RAB8B: variants seen among roughly 807,000 people sequenced by gnomAD.
The protein encoded by RAB8B is ras-related protein Rab-8B.
In RAB8B, 11 loss-of-function variants were observed where a neutral mutation model predicts 32.0. The ratio of observed to expected loss-of-function variants is 0.34; its 90% CI spans 0.22 to 0.57. RAB8B has a LOEUF of 0.57. Among genes scored for constraint, RAB8B ranks in the 20% least tolerant of loss-of-function variants. RAB8B has a pLI of 0.86. For synonymous variants in RAB8B, 103 were observed against 89.6 expected, an observed-to-expected ratio of 1.15 and a Z score of -0.85; for missense variants, 190 against 258.5, an observed-to-expected ratio of 0.73 and a Z score of 1.82.
At chr15:63,223,868 TA>T in intron 1 of RAB8B, 2 of 435,650 alleles carry the variant, frequency 4.6e-6, no homozygotes, top group South Asian at 1.6e-5. Context: ...CATAGAGGAA[TA>T]AAAACAACCC....
intron 1 of RAB8B, among the ~76,000 whole-genome samples, chr15:63,195,013 A>G (rs1219375519): frequency 6.6e-6 from 1 of 152,180 alleles, no homozygotes; most frequent in Non-Finnish European, 1.5e-5. Flanking sequence ...TCATATTTAC[A>G]TTTTTATCCA....
At chr15:63,232,234 AT>A (rs1340489100) in intron 1 of RAB8B, among the ~76,000 whole-genome samples, 14 of 152,284 alleles carry the variant, frequency 9.2e-5, no homozygotes, top group Admixed American at 5.9e-4. Context: ...ATATATAGTT[AT>A]TTATTTTGCT....
chr15:63,194,038 A>G (rs2037580782), intron 1 of RAB8B, among the ~76,000 whole-genome samples: 1 of 152,202 alleles, frequency 6.6e-6, no homozygotes, highest in South Asian at 2.1e-4. Flanking sequence ...TCCTCTTGAC[A>G]GGACAATCAG....
rs188193133 is a variant in RAB8B at position 63,246,449 on chromosome 15, A to G, written c.185+1633A>G. Among the ~76,000 whole-genome samples, 889 of 151,536 alleles carry G rather than the reference A, an allele frequency of 5.9e-3. 8 individuals are homozygous for G. The highest frequency in any genetic ancestry group is 0.02 in the African/African-American group (797 of 40,818). On this transcript the variant is annotated intron_variant, in intron 2 of 7. Coordinates refer to ENST00000321437, the MANE Select transcript of RAB8B (RefSeq NM_016530.3). ...TAGAGCAGCTCACAGAACTCAGGGAAACACTTTATTTATGTTTACCCATTT... is the reference window on the plus strand; with the variant it reads ...TAGAGCAGCTCACAGAACTCAGGGAGACACTTTATTTATGTTTACCCATTT...
intron 1 of RAB8B, among the ~76,000 whole-genome samples, chr15:63,227,605 A>C (rs1157864706): frequency 6.6e-6 from 1 of 152,236 alleles, no homozygotes; most frequent in Admixed American, 6.5e-5. Context: ...TCAACCGTTC[A>C]TGTATGGAAA....
chr15:63,222,899 G>A, intron 1 of RAB8B: 1 of 267,706 alleles, frequency 3.7e-6, no homozygotes, highest in South Asian at 3.2e-5. Context: ...CATAACTATT[G>A]TAATGTTGTA....
At chr15:63,262,625 GTATATA>G in intron 6 of RAB8B, 61 bp from the exon 7 acceptor site, 1 of 362,896 alleles carries the variant, frequency 2.8e-6, no homozygotes, top group Non-Finnish European at 4.3e-6. Flanking sequence ...ATATATATGT[GTATATA>G]TATATATATA....
intron 1 of RAB8B, among the ~76,000 whole-genome samples, chr15:63,235,816 A>G (rs555577516): frequency 5.3e-5 from 8 of 152,128 alleles, no homozygotes; most frequent in African/African-American, 1.2e-4. Context: ...AGATTCATCT[A>G]TGTTGATAAA....
At chr15:63,201,825 G>A (rs887864483) in intron 1 of RAB8B, among the ~76,000 whole-genome samples, 2 of 152,060 alleles carry the variant, frequency 1.3e-5, no homozygotes, top group African/African-American at 4.8e-5. Context: ...GGGCCAACAC[G>A]TGAGCCTCGC....
At chr15:63,256,019 G>C (rs2038156479) in intron 4 of RAB8B, among the ~76,000 whole-genome samples, 1 of 152,118 alleles carries the variant, frequency 6.6e-6, no homozygotes, top group Non-Finnish European at 1.5e-5. Context: ...CTCCATCTTA[G>C]ATATTTGAAG....
rs910800386 is a variant in RAB8B at position 63,266,244 on chromosome 15, T to C, written c.*2625T>C. On this transcript the variant is annotated 3_prime_UTR_variant, in exon 8 of 8. Transcript: ENST00000321437. ...ACTTTATTAATCAGTGTGTTAATTT[T>C]TGACAGTGATTGGACTAGACCTTTT... 9.8e-5 allele frequency: 15 copies of C among 152,600 alleles called. No homozygotes were observed. Among genetic ancestry groups the C allele is most frequent in the African/African-American group, 3.6e-4 (15 of 41,450 alleles). 9.5% of individuals were successfully genotyped at this position (152,600 alleles called of 1,614,324 possible). A position where few individuals can be genotyped will look rare whatever the true frequency, so the allele number is the denominator to read the frequency against.
chr15:63,244,000 C>G (rs1304544247), intron 1 of RAB8B, among the ~76,000 whole-genome samples: 1 of 152,148 alleles, frequency 6.6e-6, no homozygotes, highest in East Asian at 1.9e-4. Flanking sequence ...TAACTCACTC[C>G]TGTGATAAGG....
At chr15:63,191,807 G>T (rs979320062) in intron 1 of RAB8B, among the ~76,000 whole-genome samples, 2 of 152,104 alleles carry the variant, frequency 1.3e-5, no homozygotes, top group African/African-American at 2.4e-5. Context: ...AGTTTTATTC[G>T]TTTTCTCTTT....
chr15:63,236,816 A>G (rs2037984584), intron 1 of RAB8B, among the ~76,000 whole-genome samples: 1 of 152,172 alleles, frequency 6.6e-6, no homozygotes, highest in African/African-American at 2.4e-5. Context: ...ATTTTTGATT[A>G]TAGTCACCTA....
At chr15:63,210,266 C>G (rs1189637267) in intron 1 of RAB8B, among the ~76,000 whole-genome samples, 1 of 152,236 alleles carries the variant, frequency 6.6e-6, no homozygotes. Context: ...CTCTCTAGAG[C>G]TGTCAGTGCC....
intron 1 of RAB8B, among the ~76,000 whole-genome samples, chr15:63,220,947 TAAATG>T (rs1182647198): frequency 1.3e-5 from 2 of 152,188 alleles, no homozygotes; most frequent in African/African-American, 4.8e-5. Flanking sequence ...AGGTAAAACT[TAAATG>T]AAACAACAAA....
intron 1 of RAB8B, among the ~76,000 whole-genome samples, chr15:63,216,912 C>T (rs1361377458): frequency 6.7e-6 from 1 of 150,108 alleles, no homozygotes; most frequent in Non-Finnish European, 1.5e-5. Flanking sequence ...CTTTTTTAGT[C>T]ATAAAGTGGT....
intron 1 of RAB8B, among the ~76,000 whole-genome samples, chr15:63,205,227 G>A (rs1430225991): frequency 6.6e-6 from 1 of 152,256 alleles, no homozygotes; most frequent in Non-Finnish European, 1.5e-5. Context: ...TTGAACCCAG[G>A]AGATGGAAGT....
intron 1 of RAB8B, among the ~76,000 whole-genome samples, chr15:63,208,275 G>T (rs1338979340): frequency 6.6e-6 from 1 of 152,080 alleles, no homozygotes; most frequent in Non-Finnish European, 1.5e-5. Context: ...ATTTTCAGCT[G>T]GCCAGTGTAA....
Sources: allele counts gnomAD v4.1 joint callset (sites outside exome capture counted in the v4.1 genomes callset), GRCh38; gene constraint gnomAD v4.1.1; transcripts MANE v1.5; gene names NCBI Gene and HGNC (gene_info 2026-07-23, HGNC 2026-07-21).